Variants in SP4 observed in about 807,000 individuals in gnomAD.
The protein encoded by SP4 is transcription factor Sp4.
Under a neutral mutation model 72.8 loss-of-function variants are expected in SP4, and 19 were observed. The observed-to-expected ratio is 0.26, with a 90% CI of 0.18 to 0.38. The LOEUF (loss-of-function observed/expected upper bound fraction) is 0.38, where lower values mean the gene tolerates loss of function less well. Ranked by LOEUF, SP4 falls within the 10% of genes least tolerant of loss-of-function variation. SP4 has a pLI of 1.00. For missense variants in SP4, 1,008 were observed against 926.3 expected (o/e 1.09, Z -1.14); for synonymous variants, 395 against 333.1 (o/e 1.19, Z -2.02).
At position 21,429,845 on chromosome 7, in the gene SP4, A is replaced by G. The variant is rs113727159; in HGVS notation, c.680A>G (p.Gln227Arg). ...GNILAQNLAN[Q>R]TVPVQIRPGV... ...ATTCTTGCTCAAAACCTGGCAAATC[A>G]GACAGTTCCGGTCCAAATTAGACCT... The change falls in exon 3 of 6, where the codon CAG (glutamine) becomes CGG (arginine). Residue 227 changes from glutamine (Q) to arginine (R), a missense_variant. Gln to Arg is a conservative substitution (Grantham distance 43). This residue lies in a region of SP4 where 893 missense variants were observed against 743.3 expected (regional missense o/e 1.20). Transcript: ENST00000222584. The G allele has an allele frequency of 1.9e-6, 3 of 1,614,260 alleles. No homozygotes were observed. In the Middle Eastern group the frequency reaches 4.9e-4, roughly 266 times the overall value.
At chr7:21,509,898 C>T (rs745878469) in intron 5 of SP4, among the ~76,000 whole-genome samples, 6 of 152,144 alleles carry the variant, frequency 3.9e-5, no homozygotes, top group Non-Finnish European at 7.4e-5. Flanking sequence ...ATTGGACTTA[C>T]AGTTCCACAT....
chr7:21,481,612 G>C (rs1431453047), intron 4 of SP4, among the ~76,000 whole-genome samples: 1 of 152,132 alleles, frequency 6.6e-6, no homozygotes, highest in African/African-American at 2.4e-5. Flanking sequence ...AAATTTTAGA[G>C]AAGTTTCAAG....
At chr7:21,454,747 A>G (rs1208384275) in intron 3 of SP4, among the ~76,000 whole-genome samples, 1 of 152,170 alleles carries the variant, frequency 6.6e-6, no homozygotes, top group African/African-American at 2.4e-5. Context: ...AGGACTTTCC[A>G]GTTGAAGTTA....
At chr7:21,477,356 C>T in intron 4 of SP4, 49 bp downstream of exon 4, 1 of 1,200,940 alleles carries the variant, frequency 8.3e-7, no homozygotes, top group Non-Finnish European at 1.2e-6. Flanking sequence ...CATAAAACAG[C>T]AGTTAAAACC....
intron 1 of SP4, 39 bp from the exon 2 acceptor site, chr7:21,428,638 C>G (rs1264531025): frequency 1.3e-6 from 2 of 1,506,464 alleles, no homozygotes; most frequent in South Asian, 2.4e-5. Context: ...ATCCTAATAA[C>G]CTGTTGTCGT....
At position 21,430,003 on chromosome 7, in the gene SP4, A is replaced by C. The variant is rs1583367617; in HGVS notation, c.838A>C (p.Thr280Pro). ...AAACAACGTGGCTGCCGGAGGAGGGACTGGGCAGGTTGGCCAGCCTGCTGC... is the reference window on the plus strand; with the variant it reads ...AAACAACGTGGCTGCCGGAGGAGGGCCTGGGCAGGTTGGCCAGCCTGCTGC... ...VINNVAAGGG[T>P]GQVGQPAATA... Residue 280 changes from threonine (T) to proline (P), a missense_variant, in exon 3 of 6, where the codon ACT (threonine) becomes CCT (proline). By Grantham distance (38) the Thr-to-Pro change is conservative. Around this residue, in one of 3 missense-constraint regions of SP4, gnomAD observed 893 missense variants for 743.3 expected, o/e 1.20. Transcript: ENST00000222584. 6.2e-7 allele frequency: 1 copy of C among 1,614,078 alleles called. No individual in the cohort carries two copies. Among genetic ancestry groups the C allele is most frequent in the East Asian group, 2.2e-5 (1 of 44,878 alleles).
At chr7:21,462,027 G>GTTTTTTT (rs773196151) in intron 3 of SP4, among the ~76,000 whole-genome samples, 1 of 132,810 alleles carries the variant, frequency 7.5e-6, no homozygotes, top group African/African-American at 2.8e-5. Flanking sequence ...TTTAGTTTTA[G>GTTTTTTT]TTTTTTTTTT....
chr7:21,480,158 AGT>A (rs1784642433), intron 4 of SP4, among the ~76,000 whole-genome samples: 1 of 152,132 alleles, frequency 6.6e-6, no homozygotes, highest in African/African-American at 2.4e-5. Context: ...CAATGTTGAC[AGT>A]GTGCTTGTAT....
chr7:21,510,485 C>T (rs1782113198), intron 5 of SP4, among the ~76,000 whole-genome samples: 1 of 152,092 alleles, frequency 6.6e-6, no homozygotes, highest in Non-Finnish European at 1.5e-5. Flanking sequence ...CTTATGAAAC[C>T]TAAAAACTTT....
intron 3 of SP4, among the ~76,000 whole-genome samples, chr7:21,474,752 A>C (rs76352400): frequency 0.011 from 1,688 of 152,336 alleles, 31 homozygotes; most frequent in African/African-American, 0.039. Context: ...GTGCACAGTC[A>C]TAAATTTACA....
At chr7:21,493,199 GAA>G (rs111403862) in intron 5 of SP4, among the ~76,000 whole-genome samples, 2 of 146,474 alleles carry the variant, frequency 1.4e-5, no homozygotes, top group Non-Finnish European at 1.5e-5. Context: ...GATTCCATGT[GAA>G]AAAAAAAAAA....
intron 4 of SP4, among the ~76,000 whole-genome samples, chr7:21,481,217 G>GTT (rs1583430644): frequency 2.0e-5 from 3 of 152,224 alleles, no homozygotes; most frequent in East Asian, 3.9e-4. Flanking sequence ...GGCAACCAGG[G>GTT]GTAAGATAAG....
In SP4 at chr7:21,511,210, A is replaced by G. The variant is rs1782134935; in HGVS notation, c.2296A>G (p.Ile766Val). The change falls in exon 6 of 6, where the codon ATT (isoleucine) becomes GTT (valine). Residue 766 changes from isoleucine (I) to valine (V), a missense_variant. By Grantham distance (29) the Ile-to-Val change is conservative (BLOSUM62 3). Coordinates refer to ENST00000222584, the MANE Select transcript of SP4 (RefSeq NM_003112.5). ...CCCAAGAATTGTCACAGTTGCAGCCATTTCTCAAGATTCGAATCCAGCAAC... is the reference window on the plus strand; with the variant it reads ...CCCAAGAATTGTCACAGTTGCAGCCGTTTCTCAAGATTCGAATCCAGCAAC... The part of the protein sequence containing the change: ...GSPRIVTVAA[I>V]SQDSNPATPN... 7 of 1,614,036 alleles carry G rather than the reference A, an allele frequency of 4.3e-6. No homozygotes were observed. Among genetic ancestry groups the G allele is most frequent in the Non-Finnish European group, 5.9e-6 (7 of 1,180,008 alleles).
intron 3 of SP4, among the ~76,000 whole-genome samples, chr7:21,453,813 C>T (rs1378354159): frequency 6.6e-6 from 1 of 152,016 alleles, no homozygotes; most frequent in Non-Finnish European, 1.5e-5. Context: ...TGAATAGTAC[C>T]CCTTTAATGT....
chr7:21,468,086 G>A (rs192569199), intron 3 of SP4, among the ~76,000 whole-genome samples: 1 of 152,110 alleles, frequency 6.6e-6, no homozygotes, highest in Admixed American at 6.5e-5. Flanking sequence ...CTTGCAAATC[G>A]TCTTTTCCAA....
chr7:21,469,540 ATTTTTTT>A (rs59458328), intron 3 of SP4, among the ~76,000 whole-genome samples: 2 of 127,442 alleles, frequency 1.6e-5, no homozygotes, highest in Non-Finnish European at 1.7e-5. Flanking sequence ...TTTAGTTATA[ATTTTTTT>A]TTTTTTTTTT....
chr7:21,462,664 T>A (rs569984778), intron 3 of SP4, among the ~76,000 whole-genome samples: 1 of 152,320 alleles, frequency 6.6e-6, no homozygotes, highest in South Asian at 2.1e-4. Flanking sequence ...TGGCAGTGTA[T>A]GAAATTGAGG....
chr7:21,508,751 A>C (rs868849046), intron 5 of SP4, among the ~76,000 whole-genome samples: 2 of 151,434 alleles, frequency 1.3e-5, no homozygotes, highest in Admixed American at 6.6e-5. Flanking sequence ...AGGCTTGCCA[A>C]CTGTGGCTTG....
intron 4 of SP4, among the ~76,000 whole-genome samples, chr7:21,477,929 C>T (rs575704224): frequency 6.6e-6 from 1 of 152,076 alleles, no homozygotes; most frequent in Non-Finnish European, 1.5e-5. Flanking sequence ...TTAAAGTGTA[C>T]AATTCAGTGG....
Sources: gnomAD v4.1 joint callset for allele counts (sites outside exome capture counted in the v4.1 genomes callset) on GRCh38, gnomAD v4.1.1 for gene constraint, gnomAD v4.1.1 regional missense constraint, MANE v1.5 for transcripts, NCBI Gene and HGNC (gene_info 2026-07-23, HGNC 2026-07-21) for gene names.